GRAMD1B: variants seen among roughly 807,000 people sequenced by gnomAD.
GRAMD1B encodes GRAM domain containing 1B, also known as protein Aster-B.
In GRAMD1B, 37 loss-of-function variants were observed where a neutral mutation model predicts 99.7. The observed-to-expected ratio is 0.37, with a 90% CI of 0.29 to 0.49. The LOEUF is 0.49. GRAMD1B is among the 20% of genes least tolerant of loss of function. The pLI, the probability that GRAMD1B is intolerant of heterozygous loss-of-function variation, is 0.98. For missense variants in GRAMD1B, 888 were observed against 1,009.2 expected (o/e 0.88, Z 1.63); for synonymous variants, 427 against 387.6 (o/e 1.10, Z -1.19).
intron 1 of GRAMD1B, among the ~76,000 whole-genome samples, chr11:123,445,385 C>T (rs1261588810): frequency 1.3e-5 from 2 of 152,170 alleles, no homozygotes; most frequent in African/African-American, 4.8e-5. Flanking sequence ...GATGGAATGG[C>T]AACCGTAAAG....
chr11:123,474,994 C>T (rs1246974840), intron 1 of GRAMD1B, among the ~76,000 whole-genome samples: 2 of 152,282 alleles, frequency 1.3e-5, no homozygotes, highest in East Asian at 1.9e-4. Flanking sequence ...GAAGCTATGA[C>T]TCCTGTAGGG....
At chr11:123,456,821 G>A (rs1461327525) in intron 1 of GRAMD1B, among the ~76,000 whole-genome samples, 1 of 151,018 alleles carries the variant, frequency 6.6e-6, no homozygotes, top group African/African-American at 2.4e-5. Context: ...TGTGGAGGCT[G>A]AGGCAGGAGA....
chr11:123,449,084 T>C (rs1244962609), intron 1 of GRAMD1B, among the ~76,000 whole-genome samples: 1 of 152,256 alleles, frequency 6.6e-6, no homozygotes, highest in Non-Finnish European at 1.5e-5. Context: ...TTCATAACAC[T>C]GACCTACTTT....
chr11:123,479,558 C>A (rs1951476627), intron 1 of GRAMD1B, among the ~76,000 whole-genome samples: 1 of 151,978 alleles, frequency 6.6e-6, no homozygotes, highest in South Asian at 2.1e-4. Context: ...ATTAATAGAA[C>A]CTATGTGAAG....
intron 2 of GRAMD1B, among the ~76,000 whole-genome samples, chr11:123,497,671 G>A (rs1190632753): frequency 6.6e-6 from 1 of 152,170 alleles, no homozygotes; most frequent in Non-Finnish European, 1.5e-5. Context: ...GGGAGGCTGA[G>A]GCAGGCGGAT....
chr11:123,434,251 A>G (rs868773766), intron 1 of GRAMD1B, among the ~76,000 whole-genome samples: 1 of 150,644 alleles, frequency 6.6e-6, no homozygotes, highest in Non-Finnish European at 1.5e-5. Context: ...AAAAAAAAAA[A>G]AAACCACCAC....
In GRAMD1B at chr11:123,577,594, T is replaced by C; in HGVS notation, c.663+17T>C. The C allele has an allele frequency of 6.4e-7, 1 of 1,556,002 alleles. No homozygotes were observed. The highest frequency in any genetic ancestry group is 8.7e-7 in the Non-Finnish European group (1 of 1,146,906). On this transcript the variant is annotated intron_variant, in intron 3 of 19. Transcript: ENST00000635736. ...AATTCCAAGGTGAGCGGGACCCCGT[T>C]GAGGCGGTACCTCCTTGTCAGGGGC...
chr11:123,420,703 C>A (rs536613421), intron 1 of GRAMD1B, among the ~76,000 whole-genome samples: 1 of 152,182 alleles, frequency 6.6e-6, no homozygotes, highest in Non-Finnish European at 1.5e-5. Flanking sequence ...GAGAACTAGT[C>A]TGAATGTGTA....
chr11:123,602,439 G>A (rs1047207236), intron 8 of GRAMD1B, among the ~76,000 whole-genome samples: 1 of 152,078 alleles, frequency 6.6e-6, no homozygotes, highest in Non-Finnish European at 1.5e-5. Flanking sequence ...AGTTCTATGT[G>A]TATACATGTG....
At chr11:123,482,261 G>A (rs541840358) in intron 2 of GRAMD1B, among the ~76,000 whole-genome samples, 42 of 152,130 alleles carry the variant, frequency 2.8e-4, no homozygotes, top group African/African-American at 8.9e-4. Flanking sequence ...ACCATGCCCC[G>A]CTAATTTTTA....
intron 1 of GRAMD1B, among the ~76,000 whole-genome samples, chr11:123,395,967 G>C (rs921678378): frequency 1.2e-4 from 18 of 152,182 alleles, no homozygotes; most frequent in African/African-American, 4.1e-4. Flanking sequence ...ATAAAGACTA[G>C]AAGACTGTAA....
At chr11:123,501,373 G>A (rs775171638) in intron 2 of GRAMD1B, among the ~76,000 whole-genome samples, 1 of 151,974 alleles carries the variant, frequency 6.6e-6, no homozygotes, top group Non-Finnish European at 1.5e-5. Flanking sequence ...GTCTCATCAT[G>A]TTGGCCAGGC....
At chr11:123,422,190 G>A (rs761208701) in intron 1 of GRAMD1B, among the ~76,000 whole-genome samples, 19 of 152,184 alleles carry the variant, frequency 1.2e-4, no homozygotes, top group Non-Finnish European at 2.5e-4. Context: ...AGGGGTGCTT[G>A]CCACTAGGGC....
At position 123,588,638 on chromosome 11, in the gene GRAMD1B, A is replaced by G. The variant is rs544026968; in HGVS notation, c.684+4306A>G. ...GTTTGCCTGCCACGCTGCTCGGGAT[A>G]GGGCTGACATGCAGGGCGAAGAGAA... On this transcript the variant is annotated intron_variant, in intron 4 of 19. Transcript: ENST00000635736. 5.5e-4 allele frequency among the ~76,000 whole-genome samples: 84 copies of G among 152,290 alleles called. No homozygotes were observed. The South Asian group carries it at 0.012, about 22-fold the overall frequency.
intron 7 of GRAMD1B, chr11:123,598,208 A>G: frequency 7.0e-7 from 1 of 1,422,500 alleles, no homozygotes; most frequent in South Asian, 1.1e-5. Flanking sequence ...GGTCCTCGGT[A>G]GGTGTAGTTT....
At chr11:123,415,098 T>TC (rs1403986287) in intron 1 of GRAMD1B, among the ~76,000 whole-genome samples, 15 of 83,956 alleles carry the variant, frequency 1.8e-4, no homozygotes, top group African/African-American at 7.3e-4. Flanking sequence ...TTTCTTTCTT[T>TC]TTTTTTTTTT....
intron 4 of GRAMD1B, 61 bp downstream of exon 4, chr11:123,584,393 T>TC: frequency 3.1e-6 from 1 of 318,402 alleles, no homozygotes; most frequent in Non-Finnish European, 5.2e-6. Flanking sequence ...GAATGGAGGT[T>TC]GGGGGAAGGG....
At chr11:123,415,539 C>T (rs1028659317) in intron 1 of GRAMD1B, among the ~76,000 whole-genome samples, 8 of 151,898 alleles carry the variant, frequency 5.3e-5, no homozygotes, top group Non-Finnish European at 1.0e-4. Context: ...TCTGTATTCT[C>T]GGTGGCCTTC....
intron 16 of GRAMD1B, 123 bp downstream of exon 16, chr11:123,613,781 CG>C (rs1338943546): frequency 1.0e-5 from 7 of 682,120 alleles, no homozygotes; most frequent in Middle Eastern, 4.1e-4. Flanking sequence ...ATAATTTGAA[CG>C]TAAGTCACTA....
Sources: allele counts gnomAD v4.1 joint callset (sites outside exome capture counted in the v4.1 genomes callset), GRCh38; gene constraint gnomAD v4.1.1; transcripts MANE v1.5; gene names NCBI Gene and HGNC (gene_info 2026-07-23, HGNC 2026-07-21).